The following DYNC2H1 variants were observed in gnomAD, a reference collection of about 807,000 sequenced individuals.
DYNC2H1 encodes the protein dynein cytoplasmic 2 heavy chain 1.
Under a neutral mutation model 570.0 loss-of-function variants are expected in DYNC2H1, and 410 were observed. The ratio of observed to expected loss-of-function variants is 0.72; its 90% confidence interval spans 0.66 to 0.78. The LOEUF is 0.78. Among genes scored for constraint, DYNC2H1 ranks in the 30% least tolerant of loss-of-function variants. DYNC2H1 has a pLI of 0.00. For missense variants in DYNC2H1, 4,865 were observed against 5,046.4 expected (o/e 0.96, Z 1.09); for synonymous variants, 1,688 against 1,677.6 (o/e 1.01, Z -0.15).
intron 11 of DYNC2H1, 67 bp from the exon 12 acceptor site, chr11:103,125,033 C>A: frequency 1.6e-6 from 2 of 1,263,236 alleles, no homozygotes; most frequent in Non-Finnish European, 2.2e-6. Context: ...TTGTAAAAAC[C>A]TATTGTGTTT....
chr11:103,475,642 G>C (rs552087968), intron 88 of DYNC2H1, among the ~76,000 whole-genome samples: 1 of 152,214 alleles, frequency 6.6e-6, no homozygotes, highest in South Asian at 2.1e-4. Flanking sequence ...AGAAGCCACT[G>C]TATTGCTTTG....
rs1482573838 is a variant in DYNC2H1, at chr11:103,209,804, T to C, written c.8455-72T>C. The C allele has an allele frequency of 7.5e-6, 9 of 1,202,956 alleles. No homozygotes were observed. In the African/African-American group the frequency reaches 9.7e-5, roughly 13 times the overall value. The allele number at this position is 1,202,956 out of a possible 1,614,324, so 74.5% of individuals were successfully genotyped here. A position where few individuals can be genotyped will look rare whatever the true frequency, so the allele number is the denominator to read the frequency against. On this transcript the variant is annotated intron_variant, in intron 52 of 88. Coordinates refer to ENST00000375735, the MANE Select transcript of DYNC2H1 (RefSeq NM_001377.3). This position sits in a 1 kb window ranked among gnomAD's most constrained non-coding sequence, Gnocchi z 4.2. ...AAAGTACAATCAATACTGACTTTTT[T>C]TGTATTAAAGGTTTTTAACTTATGA...
chr11:103,312,557 AAAAAAAAAAC>A (rs1215812690), intron 79 of DYNC2H1, among the ~76,000 whole-genome samples: 39 of 134,142 alleles, frequency 2.9e-4, no homozygotes, highest in African/African-American at 1.0e-3. Flanking sequence ...AAAAAAAAAA[AAAAAAAAAAC>A]CAATTGTAAT....
chr11:103,220,324 GATTAA>G (rs1863538081), intron 56 of DYNC2H1, among the ~76,000 whole-genome samples: 1 of 152,126 alleles, frequency 6.6e-6, no homozygotes. Flanking sequence ...TTCTCCAGTT[GATTAA>G]ATTAGTCAGC....
At chr11:103,357,263 T>C (rs1940395066) in intron 82 of DYNC2H1, among the ~76,000 whole-genome samples, 1 of 152,048 alleles carries the variant, frequency 6.6e-6, no homozygotes. Context: ...TTGGTTTTGA[T>C]GAGAATAATG....
In DYNC2H1 at chr11:103,257,639, G is replaced by A. The variant is rs1865113455; in HGVS notation, c.10493G>A (p.Ser3498Asn). ...ERDAYLPLAE[S>N]ASKMYFIISD... ...GATGCCTATCTCCCCCTGGCTGAGA[G>A]TGCCAGCAAGATGTACTTCATTATT... Residue 3498 changes from serine (S) to asparagine (N), a missense_variant, in exon 69 of 89, where the codon AGT becomes AAT. Ser to Asn is a conservative substitution (Grantham distance 46, BLOSUM62 1). Transcript: ENST00000375735. 6.2e-7 allele frequency: 1 copy of A among 1,612,778 alleles called. No individual in the cohort carries two copies. The highest frequency in any genetic ancestry group is 8.5e-7 in the Non-Finnish European group (1 of 1,179,164).
intron 79 of DYNC2H1, among the ~76,000 whole-genome samples, chr11:103,312,567 C>A (rs11225692): frequency 0.68 from 33,819 of 49,634 alleles, 9,734 homozygotes; most frequent in African/African-American, 0.7. Flanking sequence ...AAAAAAAAAA[C>A]CAATTGTAAT....
intron 84 of DYNC2H1, among the ~76,000 whole-genome samples, chr11:103,415,523 T>C (rs1399346222): frequency 6.6e-6 from 1 of 152,170 alleles, no homozygotes; most frequent in African/African-American, 2.4e-5. Flanking sequence ...AGAAGACATC[T>C]ATGCAGCCAA....
intron 83 of DYNC2H1, among the ~76,000 whole-genome samples, chr11:103,379,788 A>G (rs1034933169): frequency 6.6e-6 from 1 of 152,168 alleles, no homozygotes; most frequent in Admixed American, 6.5e-5. Flanking sequence ...GCTATGCTTA[A>G]CCAATAAAAA....
chr11:103,331,241 T>C (rs1031814374), intron 82 of DYNC2H1, among the ~76,000 whole-genome samples: 3 of 152,234 alleles, frequency 2.0e-5, no homozygotes, highest in African/African-American at 7.2e-5. Context: ...AGGCCAAGTG[T>C]AGGCTGCTAG....
chr11:103,115,537 C>T (rs1253149452), intron 4 of DYNC2H1, among the ~76,000 whole-genome samples: 1 of 152,158 alleles, frequency 6.6e-6, no homozygotes, highest in Non-Finnish European at 1.5e-5. Context: ...GTGACTCACA[C>T]CTGTAATCCC....
At chr11:103,141,236 C>G (rs1246545148) in intron 17 of DYNC2H1, among the ~76,000 whole-genome samples, 1 of 152,188 alleles carries the variant, frequency 6.6e-6, no homozygotes, top group Non-Finnish European at 1.5e-5. Context: ...CAGCTTTGTT[C>G]CGTTACTGGT....
rs1342087490 is a variant in DYNC2H1, at chr11:103,181,055, AT to A, written c.6348-698del. On this transcript the variant is annotated intron_variant, in intron 39 of 88. Transcript: ENST00000375735. This position sits in a 1 kb window ranked among gnomAD's most constrained non-coding sequence, Gnocchi z 5.0. The stretch of plus-strand genomic sequence containing the variant: ...GTTTTTTATAATTATATAAGGTATA[AT>A]TTTGAATAAGATGTGAATCTCTATT... Among the ~76,000 whole-genome samples the A allele has an allele frequency of 2.0e-5, 3 of 151,472 alleles. No homozygotes were observed. Among genetic ancestry groups the A allele is most frequent in the Non-Finnish European group, 4.4e-5 (3 of 67,618 alleles).
At chr11:103,160,724 T>A (rs1861055515) in intron 28 of DYNC2H1, among the ~76,000 whole-genome samples, 1 of 152,016 alleles carries the variant, frequency 6.6e-6, no homozygotes, top group African/African-American at 2.4e-5. Flanking sequence ...ATATTTCAGA[T>A]GAGTGATAAG....
intron 70 of DYNC2H1, among the ~76,000 whole-genome samples, chr11:103,276,188 TAC>T (rs150556013): frequency 3.3e-5 from 5 of 151,324 alleles, no homozygotes; most frequent in Non-Finnish European, 7.4e-5. Flanking sequence ...TATTGAGTAC[TAC>T]ACACACACAC....
chr11:103,401,480 A>G (rs1301667808), intron 84 of DYNC2H1, among the ~76,000 whole-genome samples: 2 of 152,158 alleles, frequency 1.3e-5, no homozygotes, highest in African/African-American at 4.8e-5. Context: ...CTCTAAAGCC[A>G]AAGAAAGGAA....
chr11:103,420,609 G>T (rs563711277), intron 84 of DYNC2H1, among the ~76,000 whole-genome samples: 27 of 152,244 alleles, frequency 1.8e-4, no homozygotes, highest in Non-Finnish European at 3.4e-4. Flanking sequence ...TAACCCAGAA[G>T]TTCATATCTG....
rs1404416274 is a variant in DYNC2H1 at position 103,346,027 on chromosome 11, A to AT, written c.12040-12210dup. 2.6e-5 allele frequency among the ~76,000 whole-genome samples: 4 copies of AT among 152,228 alleles called. No individual in the cohort carries two copies. In the East Asian group the frequency reaches 7.7e-4, roughly 29 times the overall value. On this transcript the variant is annotated intron_variant, in intron 82 of 88. Coordinates refer to ENST00000375735, the MANE Select transcript of DYNC2H1 (RefSeq NM_001377.3). Reference sequence around the variant, plus strand: ...TACTTTGAAGTTCCAGAATTGTATTATTTTTTCATAGTTTCAATAGCAATT... The same window carrying AT: ...TACTTTGAAGTTCCAGAATTGTATTATTTTTTTCATAGTTTCAATAGCAATT...
chr11:103,118,239 C>T (rs1401735919), intron 6 of DYNC2H1, among the ~76,000 whole-genome samples: 1 of 151,838 alleles, frequency 6.6e-6, no homozygotes, highest in Non-Finnish European at 1.5e-5. Flanking sequence ...TTATGAGTTT[C>T]AGTAAAGAAC....
Sources: allele counts gnomAD v4.1 joint callset (sites outside exome capture counted in the v4.1 genomes callset), GRCh38; gene constraint gnomAD v4.1.1; non-coding constraint Gnocchi (gnomAD v3.1); transcripts MANE v1.5; gene names NCBI Gene and HGNC (gene_info 2026-07-23, HGNC 2026-07-21).